The following TOX variants were observed in gnomAD, a reference collection of about 807,000 sequenced individuals.
TOX encodes the protein thymocyte selection associated high mobility group box.
TOX carries 11 observed loss-of-function variants against 53.7 expected under a neutral mutation model. The ratio of observed to expected loss-of-function variants is 0.20; its 90% CI spans 0.13 to 0.34. TOX has a LOEUF of 0.34. Ranked by LOEUF, TOX falls within the 10% of genes least tolerant of loss-of-function variation. TOX has a pLI of 1.00. For synonymous variants in TOX, 225 were observed against 245.3 expected, an observed-to-expected ratio of 0.92 and a Z score of 0.77; for missense variants, 570 against 664.6, an observed-to-expected ratio of 0.86 and a Z score of 1.56.
intron 3 of TOX, among the ~76,000 whole-genome samples, chr8:58,893,793 G>T (rs1413177766): frequency 6.6e-6 from 1 of 152,180 alleles, no homozygotes; most frequent in Non-Finnish European, 1.5e-5. Context: ...CATTGGACTG[G>T]ACTTTAAAAC....
chr8:58,998,507 AT>A (rs1813608802), intron 1 of TOX, among the ~76,000 whole-genome samples: 3 of 92,850 alleles, frequency 3.2e-5, no homozygotes, highest in African/African-American at 1.4e-4. Context: ...ATATATATAT[AT>A]ATATATATAT....
chr8:59,101,931 AT>A (rs1234955981), intron 1 of TOX, among the ~76,000 whole-genome samples: 3 of 152,154 alleles, frequency 2.0e-5, no homozygotes, highest in African/African-American at 7.2e-5. Context: ...CCTAACAATA[AT>A]GGGGAAGATG....
intron 1 of TOX, among the ~76,000 whole-genome samples, chr8:59,027,450 G>GTC (rs1554540362): frequency 4.1e-5 from 5 of 120,598 alleles, no homozygotes; most frequent in African/African-American, 1.5e-4. Flanking sequence ...TAGGAACAAG[G>GTC]TTTTTTTTTT....
intron 1 of TOX, among the ~76,000 whole-genome samples, chr8:58,976,819 T>C (rs1813109632): frequency 1.3e-5 from 2 of 152,212 alleles, no homozygotes; most frequent in South Asian, 2.1e-4. Flanking sequence ...GGTGCCTTGT[T>C]AGTAGTGGTT....
At chr8:58,993,967 G>C (rs1021803577) in intron 1 of TOX, among the ~76,000 whole-genome samples, 25 of 151,854 alleles carry the variant, frequency 1.6e-4, no homozygotes, top group African/African-American at 5.8e-4. Context: ...TCTACCTGTG[G>C]GAAAAATTTC....
At chr8:58,812,024 C>G (rs1810086429) in intron 7 of TOX, among the ~76,000 whole-genome samples, 1 of 152,160 alleles carries the variant, frequency 6.6e-6, no homozygotes, top group Non-Finnish European at 1.5e-5. Context: ...CTTTCTCTCT[C>G]TCTGTCTGGT....
intron 2 of TOX, among the ~76,000 whole-genome samples, chr8:58,953,439 T>C (rs1175122695): frequency 1.3e-5 from 2 of 152,206 alleles, no homozygotes; most frequent in African/African-American, 4.8e-5. Flanking sequence ...TCTTTTTAAT[T>C]TTGAGTAATG....
rs1272991488 is a variant in TOX at position 58,806,949 on chromosome 8, T to G, written c.*798A>C. ...TTTCTGCATCTAATAAAATACCAGG[T>G]AAGCATTTGGCAGTTTTATACATAA... On this transcript the variant is annotated 3_prime_UTR_variant, in exon 9 of 9. Transcript: ENST00000361421. 1 of 152,736 alleles carries G rather than the reference T, an allele frequency of 6.5e-6. No homozygotes were observed. Among genetic ancestry groups the G allele is most frequent in the East Asian group, 1.9e-4 (1 of 5,190 alleles). The allele number at this position is 152,736 out of a possible 1,614,324, so 9.5% of individuals were successfully genotyped here.
chr8:59,118,915 G>A lies in TOX; in HGVS notation c.73C>T (p.Pro25Ser), dbSNP rs139280526. 1.9e-6 allele frequency: 3 copies of A among 1,598,222 alleles called. No homozygotes were observed. The East Asian group carries it at 7.1e-5, about 38-fold the overall frequency. Residue 25 changes from proline (P) to serine (S), a missense_variant, in exon 1 of 9, where the codon CCC becomes TCC. This residue lies in a region of TOX where 282 missense variants were observed against 315.0 expected (regional missense o/e 0.90). Transcript: ENST00000361421. The surrounding 1 kb of genome is among the most constrained non-coding windows in gnomAD (Gnocchi z 4.1). The part of the protein sequence containing the change: ...APDAPCLGPS[P>S]CLDPYYCNKF... ...TTGCAATAGTAGGGGTCCAGGCAGG[G>A]AGAAGGTCCCAGACAGGGAGCGTCG...
At chr8:59,101,769 G>C (rs1338059548) in intron 1 of TOX, among the ~76,000 whole-genome samples, 1 of 152,182 alleles carries the variant, frequency 6.6e-6, no homozygotes, top group African/African-American at 2.4e-5. Context: ...ATGAGGAAAA[G>C]GGGGAAAAAT....
intron 3 of TOX, among the ~76,000 whole-genome samples, chr8:58,906,139 T>C (rs1243225170): frequency 6.6e-6 from 1 of 152,194 alleles, no homozygotes; most frequent in South Asian, 2.1e-4. Context: ...GACTATTATA[T>C]AAACAGAGAA....
intron 4 of TOX, among the ~76,000 whole-genome samples, chr8:58,848,012 A>C (rs1236637687): frequency 6.6e-6 from 1 of 152,118 alleles, no homozygotes; most frequent in Non-Finnish European, 1.5e-5. Context: ...GAATAAATCC[A>C]AAGGAAAAAT....
chr8:58,812,035 G>A (rs1351595171), intron 7 of TOX, among the ~76,000 whole-genome samples: 2 of 152,120 alleles, frequency 1.3e-5, no homozygotes, highest in Non-Finnish European at 2.9e-5. Flanking sequence ...TCTGTCTGGT[G>A]TTTGGATGTG....
chr8:59,030,684 G>A (rs138100998), intron 1 of TOX, among the ~76,000 whole-genome samples: 79 of 152,188 alleles, frequency 5.2e-4, no homozygotes, highest in Middle Eastern at 3.4e-3. Context: ...ACTGGCTCCC[G>A]AGGTCATTAT....
chr8:58,838,663 A>G (rs761573464), intron 4 of TOX, among the ~76,000 whole-genome samples: 1 of 149,252 alleles, frequency 6.7e-6, no homozygotes, highest in Non-Finnish European at 1.5e-5. Context: ...TGGATGAACA[A>G]TCTAACTTGT....
intron 5 of TOX, among the ~76,000 whole-genome samples, chr8:58,830,554 T>C (rs1331692206): frequency 6.6e-6 from 1 of 152,164 alleles, no homozygotes; most frequent in Non-Finnish European, 1.5e-5. Flanking sequence ...AAATTTCCCA[T>C]ACAATCTGTC....
rs1809994204 is a variant in TOX at position 58,807,252 on chromosome 8, C to A, written c.*495G>T. The A allele has an allele frequency of 6.6e-6, 1 of 152,608 alleles. No individual in the cohort carries two copies. The highest frequency in any genetic ancestry group is 2.1e-4 in the South Asian group (1 of 4,820). The allele number at this position is 152,608 out of a possible 1,614,324, so 9.5% of individuals were successfully genotyped here. A position where few individuals can be genotyped will look rare whatever the true frequency, so the allele number is the denominator to read the frequency against. ...TAACCCCTATTGTGAAATCAATAAA[C>A]TGGAATGAGCCAGTTTCAATTACAA... On this transcript the variant is annotated 3_prime_UTR_variant, in exon 9 of 9. Transcript: ENST00000361421.
chr8:58,829,958 A>G (rs1489238543), intron 5 of TOX, among the ~76,000 whole-genome samples: 1 of 152,182 alleles, frequency 6.6e-6, no homozygotes, highest in Non-Finnish European at 1.5e-5. Context: ...GGCAATGAAC[A>G]ACCACTGCCA....
intron 3 of TOX, among the ~76,000 whole-genome samples, chr8:58,853,213 C>G (rs1810855826): frequency 6.6e-6 from 1 of 152,138 alleles, no homozygotes; most frequent in Non-Finnish European, 1.5e-5. Flanking sequence ...ACGCACAGTT[C>G]AAGGTATCCT....
Sources: gnomAD v4.1 joint callset for allele counts (sites outside exome capture counted in the v4.1 genomes callset) on GRCh38, gnomAD v4.1.1 for gene constraint, gnomAD v4.1.1 regional missense constraint, Gnocchi (gnomAD v3.1) non-coding constraint, MANE v1.5 for transcripts, NCBI Gene and HGNC (gene_info 2026-07-23, HGNC 2026-07-21) for gene names.